Variants in PCBP3 observed in about 807,000 individuals in gnomAD.
PCBP3 encodes poly(rC) binding protein 3.
In PCBP3, 25 loss-of-function variants were observed where a neutral mutation model predicts 52.7. The ratio of observed to expected loss-of-function variants is 0.47; its 90% CI spans 0.35 to 0.66. The LOEUF (loss-of-function observed/expected upper bound fraction) is 0.66, where lower values mean the gene tolerates loss of function less well. Among genes scored for constraint, PCBP3 ranks in the 30% least tolerant of loss-of-function variants. The probability of loss-of-function intolerance (pLI) is 0.01; values close to 1 mark genes in which losing one functional copy is unlikely to be tolerated. For missense variants in PCBP3, 391 were observed against 490.3 expected, an observed-to-expected ratio of 0.80 and a Z score of 1.91; for synonymous variants, 162 against 183.0, an observed-to-expected ratio of 0.89 and a Z score of 0.93.
chr21:45,660,841 C>T (rs2080342406), intron 1 of PCBP3, among the ~76,000 whole-genome samples: 1 of 152,134 alleles, frequency 6.6e-6, no homozygotes, highest in African/African-American at 2.4e-5. Context: ...GAGTTCGAGA[C>T]CAGCCTGGCC....
At chr21:45,874,919 T>G (rs1263099315) in intron 5 of PCBP3, among the ~76,000 whole-genome samples, 4 of 152,056 alleles carry the variant, frequency 2.6e-5, no homozygotes, top group Admixed American at 6.5e-5. Context: ...GGCCCTAGAC[T>G]CACGAGAGAG....
At chr21:45,782,596 A>G (rs984921707) in intron 4 of PCBP3, among the ~76,000 whole-genome samples, 1 of 152,224 alleles carries the variant, frequency 6.6e-6, no homozygotes, top group African/African-American at 2.4e-5. Flanking sequence ...CATCCCAGGA[A>G]GTAGGGGATC....
intron 2 of PCBP3, among the ~76,000 whole-genome samples, chr21:45,670,939 A>G (rs1188670245): frequency 1.3e-5 from 2 of 152,096 alleles, no homozygotes; most frequent in Non-Finnish European, 2.9e-5. Context: ...TGGCATCCTT[A>G]TCCTCTAGGC....
intron 3 of PCBP3, among the ~76,000 whole-genome samples, chr21:45,747,640 G>C (rs369292432): frequency 6.6e-6 from 1 of 152,262 alleles, no homozygotes; most frequent in African/African-American, 2.4e-5. Context: ...GGGGCAGGGC[G>C]TTTTCACATG....
intron 1 of PCBP3, among the ~76,000 whole-genome samples, chr21:45,665,777 A>G (rs2080756688): frequency 6.6e-6 from 1 of 152,216 alleles, no homozygotes; most frequent in East Asian, 1.9e-4. Context: ...CTGTGAAGCT[A>G]GTATTACCCC....
chr21:45,911,218 C>A (rs1198582857), intron 11 of PCBP3, 188 bp downstream of exon 11: 1 of 688,938 alleles, frequency 1.5e-6, no homozygotes, highest in Non-Finnish European at 2.6e-6. Context: ...GCTGGGGCTG[C>A]CAGCTCAGGG....
intron 2 of PCBP3, among the ~76,000 whole-genome samples, chr21:45,713,876 A>C (rs1266208412): frequency 6.6e-6 from 1 of 152,170 alleles, no homozygotes; most frequent in African/African-American, 2.4e-5. Context: ...CTTCATTTGC[A>C]TGCAATATTT....
chr21:45,715,732 T>C (rs553131442), intron 2 of PCBP3, among the ~76,000 whole-genome samples: 2 of 152,236 alleles, frequency 1.3e-5, no homozygotes, highest in Non-Finnish European at 2.9e-5. Flanking sequence ...ATTTCCCTGA[T>C]GACTGATGAT....
chr21:45,644,329 C>G (rs1182707493), intron 1 of PCBP3, among the ~76,000 whole-genome samples: 2 of 151,690 alleles, frequency 1.3e-5, no homozygotes, highest in Non-Finnish European at 2.9e-5. Flanking sequence ...GGACGGCCGC[C>G]GGGAGAGCGC....
chr21:45,876,704 G>C (rs928800295), intron 5 of PCBP3, among the ~76,000 whole-genome samples: 1 of 152,220 alleles, frequency 6.6e-6, no homozygotes, highest in Admixed American at 6.5e-5. Flanking sequence ...TCCTGGCCTC[G>C]TGCAGCCTGA....
chr21:45,881,142 GT>G (rs945333969), intron 5 of PCBP3, among the ~76,000 whole-genome samples: 3 of 152,186 alleles, frequency 2.0e-5, no homozygotes, highest in Admixed American at 6.5e-5. Flanking sequence ...TTGGTATGGA[GT>G]TTTGTGACAG....
Position 45,784,406 on chromosome 21 carries a change from A to G in PCBP3, c.-126+28954A>G, listed in dbSNP as rs751993374. 4.8e-3 allele frequency among the ~76,000 whole-genome samples: 650 copies of G among 136,528 alleles called. 6 individuals are homozygous for G. Among genetic ancestry groups the G allele is most frequent in the African/African-American group, 0.016 (625 of 38,960 alleles). 89.6% of individuals were successfully genotyped at this position (136,528 alleles called of 152,430 possible). On this transcript the variant is annotated intron_variant, in intron 4 of 17. Transcript: ENST00000681687. Reference sequence around the variant, plus strand: ...TACCTCTACCTCTACCGCTACCTCTACCGCTACCGCTACCCCTACCTCCTA... The same window carrying G: ...TACCTCTACCTCTACCGCTACCTCTGCCGCTACCGCTACCCCTACCTCCTA...
chr21:45,646,097 C>CTCTCTCTCTCTTTCTCTT (rs1852113193), intron 1 of PCBP3, among the ~76,000 whole-genome samples: 1 of 88,926 alleles, frequency 1.1e-5, no homozygotes, highest in Non-Finnish European at 2.4e-5. Context: ...CTCTCTCTCT[C>CTCTCTCTCTCTTTCTCTT]TCTCTCTCTC....
intron 9 of PCBP3, chr21:45,901,518 G>A: frequency 3.8e-6 from 1 of 260,486 alleles, no homozygotes; most frequent in South Asian, 4.8e-5. Context: ...GCCCTGGCTG[G>A]CACAGCCCTG....
chr21:45,735,868 A>C lies in PCBP3; in HGVS notation c.-162+439A>C, dbSNP rs1248653277. Among the ~76,000 whole-genome samples, 2 of 152,200 alleles carry C rather than the reference A, an allele frequency of 1.3e-5. No homozygotes were observed. Among genetic ancestry groups the C allele is most frequent in the African/African-American group, 2.4e-5 (1 of 41,446 alleles). ...CTGTGTGTGCGGTGGCCATGATGGC[A>C]CCACAATGTCTGAAGCCACACAGTG... On this transcript the variant is annotated intron_variant, in intron 3 of 17. Coordinates refer to ENST00000681687, the MANE Select transcript of PCBP3 (RefSeq NM_001384156.1). The surrounding 1 kb of genome is among the most constrained non-coding windows in gnomAD (Gnocchi z 4.0).
intron 4 of PCBP3, among the ~76,000 whole-genome samples, chr21:45,783,828 G>A (rs141272978): frequency 1.3e-5 from 2 of 152,316 alleles, no homozygotes; most frequent in Non-Finnish European, 2.9e-5. Flanking sequence ...AGGGTGTGAA[G>A]ATGGCAGTTT....
intron 10 of PCBP3, among the ~76,000 whole-genome samples, chr21:45,909,768 C>CGG (rs1220706058): frequency 7.9e-5 from 8 of 101,472 alleles, no homozygotes; most frequent in African/African-American, 2.3e-4. Flanking sequence ...ACGGACCCCC[C>CGG]CCACCCACTG....
intron 9 of PCBP3, among the ~76,000 whole-genome samples, chr21:45,901,756 C>CAGAAAGAGGG (rs71318014): frequency 9.3e-6 from 1 of 107,194 alleles, no homozygotes; most frequent in Non-Finnish European, 1.9e-5. Flanking sequence ...GAGAGAGAGA[C>CAGAAAGAGGG]AGAGACAGAG....
chr21:45,917,690 A>C lies in PCBP3; in HGVS notation c.717+61A>C, dbSNP rs2839057. 7.9e-7 allele frequency: 1 copy of C among 1,272,672 alleles called. No homozygotes were observed. The highest frequency in any genetic ancestry group is 2.3e-5 in the East Asian group (1 of 43,298). The allele number at this position is 1,272,672 out of a possible 1,614,324, so 78.8% of individuals were successfully genotyped here. A position where few individuals can be genotyped will look rare whatever the true frequency, so the allele number is the denominator to read the frequency against. ...TTCTCATGGTTGTTTACCTACCTGC[A>C]TGCTGCTGTTAATTGCTACTAACAT... On this transcript the variant is annotated intron_variant, in intron 13 of 17. Transcript: ENST00000681687. The surrounding 1 kb of genome is among the most constrained non-coding windows in gnomAD (Gnocchi z 5.3).
Sources: gnomAD v4.1 joint callset for allele counts (sites outside exome capture counted in the v4.1 genomes callset) on GRCh38, gnomAD v4.1.1 for gene constraint, Gnocchi (gnomAD v3.1) non-coding constraint, MANE v1.5 for transcripts, NCBI Gene and HGNC (gene_info 2026-07-23, HGNC 2026-07-21) for gene names.